ITGAE: variants seen among roughly 807,000 people sequenced by gnomAD.
The protein encoded by ITGAE is integrin alpha-E.
In ITGAE, 99 loss-of-function variants were observed where a neutral mutation model predicts 136.5. The observed-to-expected ratio is 0.73, with a 90% confidence interval of 0.62 to 0.86. ITGAE has a LOEUF of 0.86. Among genes scored for constraint, ITGAE ranks in the 40% least tolerant of loss-of-function variants. ITGAE has a pLI of 0.00. For synonymous variants in ITGAE, 613 were observed against 591.8 expected (o/e 1.04, Z -0.52); for missense variants, 1,447 against 1,515.3 (o/e 0.95, Z 0.75).
At chr17:3,724,198 C>A in intron 26 of ITGAE, 1 of 1,593,200 alleles carries the variant, frequency 6.3e-7, no homozygotes. Context: ...GGCCGAGTGC[C>A]CAAGGACCGG....
At chr17:3,725,523 G>C (rs757736172) in intron 26 of ITGAE, 4 of 1,614,186 alleles carry the variant, frequency 2.5e-6, no homozygotes, top group Non-Finnish European at 3.4e-6. Context: ...GAAAACCTTT[G>C]AGGAAATCCT....
chr17:3,731,074 TG>T, intron 23 of ITGAE, 29 bp downstream of exon 23: 1 of 1,572,792 alleles, frequency 6.4e-7, no homozygotes, highest in Non-Finnish European at 8.8e-7. Context: ...GGTCATAGCC[TG>T]ACTCTGCTGT....
chr17:3,766,635 C>T (rs2052303823), intron 2 of ITGAE, among the ~76,000 whole-genome samples: 1 of 151,874 alleles, frequency 6.6e-6, no homozygotes, highest in African/African-American at 2.4e-5. Flanking sequence ...AACCCCGTCT[C>T]TACTAAAAAT....
At chr17:3,757,998 C>G (rs1347847719) in intron 8 of ITGAE, 139 bp from the exon 9 acceptor site, 1 of 991,840 alleles carries the variant, frequency 1.0e-6, no homozygotes, top group Non-Finnish European at 1.5e-6. Context: ...GGGGGTGATG[C>G]CCCCTTAAGT....
In ITGAE at chr17:3,725,468, A is replaced by G. The variant is rs765868804; in HGVS notation, c.3085-1724T>C. ...CTGATCACACACCCGTAGCCATAAA[A>G]ATCATTGCTATTGAAGGACCAGATT... On this transcript the variant is annotated intron_variant, in intron 26 of 30. Transcript: ENST00000263087. The G allele has an allele frequency of 4.3e-6, 7 of 1,614,108 alleles. No individual in the cohort carries two copies. In the African/African-American group the frequency reaches 8.0e-5, roughly 18 times the overall value.
At chr17:3,732,650 G>C (rs947976055) in intron 21 of ITGAE, among the ~76,000 whole-genome samples, 184 bp from the exon 22 acceptor site, 8 of 152,230 alleles carry the variant, frequency 5.3e-5, no homozygotes, top group African/African-American at 1.7e-4. Context: ...GGCAGGGTCA[G>C]CAGTAGATCC....
intron 1 of ITGAE, among the ~76,000 whole-genome samples, chr17:3,793,814 G>A (rs2052997831): frequency 6.6e-6 from 1 of 152,122 alleles, no homozygotes; most frequent in African/African-American, 2.4e-5. Flanking sequence ...CCAAAGTGCT[G>A]GGATTACAGG....
intron 10 of ITGAE, among the ~76,000 whole-genome samples, chr17:3,756,657 G>T (rs1351760976): frequency 6.6e-6 from 1 of 152,140 alleles, no homozygotes; most frequent in Admixed American, 6.5e-5. Flanking sequence ...CACCGGCCTT[G>T]GCCTCCCAGA....
intron 2 of ITGAE, among the ~76,000 whole-genome samples, chr17:3,769,255 C>T (rs1473254675): frequency 6.6e-6 from 1 of 152,188 alleles, no homozygotes; most frequent in East Asian, 1.9e-4. Flanking sequence ...ATCCCAAACC[C>T]CAGCTCCTCA....
intron 28 of ITGAE, 92 bp downstream of exon 28, chr17:3,723,196 G>C: frequency 1.1e-6 from 1 of 903,004 alleles, no homozygotes; most frequent in Non-Finnish European, 1.8e-6. Context: ...TTTGGACATG[G>C]ACATGTTATG....
At chr17:3,800,082 G>A (rs1263976514) in intron 1 of ITGAE, among the ~76,000 whole-genome samples, 1 of 152,130 alleles carries the variant, frequency 6.6e-6, no homozygotes, top group African/African-American at 2.4e-5. Flanking sequence ...TCCAGCCTGG[G>A]CTCCAGCCTG....
chr17:3,750,960 C>T (rs1217808725), intron 15 of ITGAE, among the ~76,000 whole-genome samples: 2 of 150,318 alleles, frequency 1.3e-5, no homozygotes, highest in African/African-American at 2.5e-5. Context: ...GAGCTGGGAC[C>T]GCAGGGGTGG....
Position 3,720,376 on chromosome 17 carries a change from C to A in ITGAE, c.3264G>T (p.Gln1088His). Residue 1088 changes from glutamine (Q) to histidine (H), a missense_variant, in exon 29 of 31, where the codon CAG becomes CAT. By Grantham distance (24) the Gln-to-His change is conservative (BLOSUM62 0). This residue lies in a region of ITGAE where 1,031 missense variants were observed against 1,011.4 expected (regional missense o/e 1.02). Coordinates refer to ENST00000263087, the MANE Select transcript of ITGAE (RefSeq NM_002208.5). ...TGTTGAAAGATATTTCACCAAGGAT[C>A]TGCAGTTCAGTTACATCTTTTAGTA... ...EELLKDVTELQILGEISFNKS... is the reference protein window; with the variant it reads ...EELLKDVTELHILGEISFNKS... 1 of 1,570,368 alleles carries A rather than the reference C, an allele frequency of 6.4e-7. No homozygotes were observed. The highest frequency in any genetic ancestry group is 8.8e-7 in the Non-Finnish European group (1 of 1,140,266).
intron 19 of ITGAE, 76 bp from the exon 20 acceptor site, chr17:3,739,954 A>G (rs1049627835): frequency 2.4e-6 from 3 of 1,247,908 alleles, no homozygotes; most frequent in Non-Finnish European, 3.5e-6. Context: ...TCTTCTCCTT[A>G]TAGGAAGTTT....
intron 19 of ITGAE, among the ~76,000 whole-genome samples, chr17:3,741,070 A>ATTTTTTTTT (rs58434003): frequency 2.6e-5 from 2 of 76,806 alleles, no homozygotes; most frequent in Non-Finnish European, 4.6e-5. Context: ...TTTTTGTTGT[A>ATTTTTTTTT]TTTTTTTTTT....
At chr17:3,800,562 T>C (rs2053230444) in intron 1 of ITGAE, among the ~76,000 whole-genome samples, 1 of 151,848 alleles carries the variant, frequency 6.6e-6, no homozygotes, top group African/African-American at 2.4e-5. Flanking sequence ...GCAGCAGAAG[T>C]GCCTCCCCCC....
chr17:3,755,006 G>C, intron 12 of ITGAE, 111 bp downstream of exon 12: 1 of 1,071,582 alleles, frequency 9.3e-7, no homozygotes, highest in Non-Finnish European at 1.2e-6. Context: ...CCTCGCCCAG[G>C]TAGGCCCCGC....
chr17:3,756,030 G>A, intron 10 of ITGAE, 133 bp from the exon 11 acceptor site: 2 of 785,286 alleles, frequency 2.5e-6, no homozygotes, highest in South Asian at 3.2e-5. Context: ...ACCCGGCTGA[G>A]GGTAGAGACC....
intron 2 of ITGAE, 56 bp from the exon 3 acceptor site, chr17:3,764,016 C>A: frequency 7.8e-7 from 1 of 1,280,354 alleles, no homozygotes; most frequent in Non-Finnish European, 1.1e-6. Context: ...CGTCTTCTCC[C>A]TGCCTGCCCA....
Sources: gnomAD v4.1 joint callset for allele counts (sites outside exome capture counted in the v4.1 genomes callset) on GRCh38, gnomAD v4.1.1 for gene constraint, gnomAD v4.1.1 regional missense constraint, MANE v1.5 for transcripts, NCBI Gene and HGNC (gene_info 2026-07-23, HGNC 2026-07-21) for gene names.